TMCC3: variants seen among roughly 807,000 people sequenced by gnomAD.
TMCC3 encodes transmembrane and coiled-coil domain family 3.
A neutral mutation model predicts 40.2 loss-of-function variants in TMCC3; 28 were observed. That is an observed-to-expected ratio of 0.70 (90% CI 0.52 to 0.95). The LOEUF is 0.95. Ranked by LOEUF, TMCC3 falls within the 40% of genes least tolerant of loss-of-function variation. TMCC3 has a pLI of 0.00. For synonymous variants in TMCC3, 255 were observed against 248.5 expected, an observed-to-expected ratio of 1.03 and a Z score of -0.25; for missense variants, 554 against 615.2, an observed-to-expected ratio of 0.90 and a Z score of 1.05.
intron 1 of TMCC3, among the ~76,000 whole-genome samples, chr12:94,645,044 A>G (rs374236305): frequency 2.0e-5 from 3 of 152,362 alleles, no homozygotes; most frequent in East Asian, 3.9e-4. Flanking sequence ...CGGAACCACA[A>G]GAATAAATGA....
intron 1 of TMCC3, among the ~76,000 whole-genome samples, chr12:94,597,125 A>ATATATG (rs2068720415): frequency 4.3e-4 from 1 of 2,324 alleles, no homozygotes; most frequent in Non-Finnish European, 1.1e-3. Flanking sequence ...ATTAAAATAC[A>ATATATG]TATATATATA....
chr12:94,610,194 G>A (rs574221467), intron 1 of TMCC3, among the ~76,000 whole-genome samples: 1 of 152,160 alleles, frequency 6.6e-6, no homozygotes. Flanking sequence ...TGCTAATCAG[G>A]TTACAAACAA....
At chr12:94,624,180 G>A (rs1450398113) in intron 1 of TMCC3, among the ~76,000 whole-genome samples, 1 of 152,208 alleles carries the variant, frequency 6.6e-6, no homozygotes, top group African/African-American at 2.4e-5. Context: ...TACACTGGTA[G>A]TGGGAATATA....
intron 1 of TMCC3, among the ~76,000 whole-genome samples, chr12:94,583,297 G>C (rs2068618523): frequency 6.6e-6 from 1 of 151,866 alleles, no homozygotes; most frequent in Non-Finnish European, 1.5e-5. Context: ...CTGAAGTCGG[G>C]AGTTTGAGAC....
chr12:94,606,890 C>T (rs532610281), intron 1 of TMCC3, among the ~76,000 whole-genome samples: 2 of 152,320 alleles, frequency 1.3e-5, no homozygotes, highest in African/African-American at 4.8e-5. Flanking sequence ...TCTTGATAAA[C>T]ATCTTAACAG....
chr12:94,641,446 T>G (rs2068990414), intron 1 of TMCC3, among the ~76,000 whole-genome samples: 1 of 152,164 alleles, frequency 6.6e-6, no homozygotes, highest in Non-Finnish European at 1.5e-5. Context: ...CCGGCTGGGC[T>G]CTCAAATTGG....
chr12:94,581,075 A>C (rs977939558), intron 2 of TMCC3, among the ~76,000 whole-genome samples: 3 of 152,166 alleles, frequency 2.0e-5, no homozygotes, highest in African/African-American at 7.2e-5. Flanking sequence ...TGGGACCAGA[A>C]GTGTTTCAGA....
chr12:94,585,239 C>T (rs79085035), intron 1 of TMCC3, among the ~76,000 whole-genome samples: 2,457 of 152,222 alleles, frequency 0.016, 57 homozygotes, highest in South Asian at 0.1. Flanking sequence ...GGCCCTAGCC[C>T]ACCTTTCAGG....
chr12:94,629,206 C>A (rs2068919234), intron 1 of TMCC3, among the ~76,000 whole-genome samples: 1 of 152,056 alleles, frequency 6.6e-6, no homozygotes, highest in Admixed American at 6.6e-5. Context: ...AAATTGATAC[C>A]ATCTGTCCTC....
intron 1 of TMCC3, among the ~76,000 whole-genome samples, chr12:94,649,786 T>TGCTCG (rs1033299049): frequency 7.9e-5 from 12 of 152,376 alleles, no homozygotes; most frequent in African/African-American, 1.2e-4. Flanking sequence ...CGAGGGCGCC[T>TGCTCG]GCTCGGCTCG....
intron 2 of TMCC3, among the ~76,000 whole-genome samples, chr12:94,579,298 G>A (rs938220654): frequency 5.3e-5 from 8 of 152,178 alleles, no homozygotes; most frequent in Admixed American, 2.0e-4. Context: ...CCTGGGGTCA[G>A]GAGTTCGAGA....
At chr12:94,576,644 T>C (rs961439480) in intron 3 of TMCC3, among the ~76,000 whole-genome samples, 7 of 152,046 alleles carry the variant, frequency 4.6e-5, no homozygotes, top group Non-Finnish European at 1.0e-4. Flanking sequence ...CCCAGCTAAT[T>C]TAAAAAAAAG....
At chr12:94,586,892 C>CTGCT (rs1285952105) in intron 1 of TMCC3, among the ~76,000 whole-genome samples, 1 of 152,248 alleles carries the variant, frequency 6.6e-6, no homozygotes, top group African/African-American at 2.4e-5. Flanking sequence ...ATCGATCTTA[C>CTGCT]TGCTTGTCAG....
chr12:94,616,037 C>A, intron 1 of TMCC3: 1 of 985,348 alleles, frequency 1.0e-6, no homozygotes, highest in Non-Finnish European at 1.2e-6. Flanking sequence ...ACAGCACCTA[C>A]CATATGACTC....
chr12:94,594,538 T>C (rs1018632822), intron 1 of TMCC3, among the ~76,000 whole-genome samples: 2 of 152,114 alleles, frequency 1.3e-5, no homozygotes, highest in Non-Finnish European at 2.9e-5. Context: ...AAATTTCCCA[T>C]CCATGCTTGT....
intron 3 of TMCC3, 62 bp downstream of exon 3, chr12:94,578,332 G>A: frequency 1.3e-6 from 2 of 1,563,700 alleles, no homozygotes; most frequent in East Asian, 2.3e-5. Flanking sequence ...CATTTAGACT[G>A]TTAAATGAAT....
Position 94,614,184 on chromosome 12 carries a change from CT to C in TMCC3, c.79-31647del, listed in dbSNP as rs2068834354. Among the ~76,000 whole-genome samples the C allele has an allele frequency of 2.0e-5, 3 of 151,464 alleles. No individual in the cohort carries two copies. In the South Asian group the frequency reaches 6.3e-4, roughly 32 times the overall value. Reference sequence around the variant, plus strand: ...TTTGCTTAAGCTGTAGAATGAATGTCTTCTGTCAATCCTATTGCTTTATCTC... The same window carrying C: ...TTTGCTTAAGCTGTAGAATGAATGTCTCTGTCAATCCTATTGCTTTATCTC... On this transcript the variant is annotated intron_variant, in intron 1 of 3. Transcript: ENST00000261226.
intron 1 of TMCC3, among the ~76,000 whole-genome samples, chr12:94,582,965 CTTTTTTTTTTTTTTTT>C (rs753900771): frequency 1.7e-5 from 1 of 59,946 alleles, no homozygotes; most frequent in Non-Finnish European, 2.8e-5. Context: ...GAAGGAGAAT[CTTTTTTTTTTTTTTTT>C]TTTTTTTTTT....
intron 1 of TMCC3, among the ~76,000 whole-genome samples, chr12:94,636,861 C>T (rs1037627461): frequency 9.2e-5 from 14 of 152,120 alleles, no homozygotes; most frequent in Admixed American, 8.5e-4. Flanking sequence ...GGAAAGGATC[C>T]CAAGCTTAAG....
Sources: gnomAD v4.1 joint callset for allele counts (sites outside exome capture counted in the v4.1 genomes callset) on GRCh38, gnomAD v4.1.1 for gene constraint, MANE v1.5 for transcripts, NCBI Gene and HGNC (gene_info 2026-07-23, HGNC 2026-07-21) for gene names.